TTLL8: variants seen among roughly 807,000 people sequenced by gnomAD.
The protein encoded by TTLL8 is tubulin tyrosine ligase like 8, also known as protein monoglycylase TTLL8.
A neutral mutation model predicts 77.8 loss-of-function variants in TTLL8; 65 were observed. The ratio of observed to expected loss-of-function variants is 0.84; its 90% CI spans 0.68 to 1.03. TTLL8 has a LOEUF of 1.03. Ranked by LOEUF, TTLL8 falls within the 50% of genes least tolerant of loss-of-function variation. The pLI, the probability that TTLL8 is intolerant of heterozygous loss-of-function variation, is 0.00. For synonymous variants in TTLL8, 402 were observed against 422.8 expected, an observed-to-expected ratio of 0.95 and a Z score of 0.60; for missense variants, 910 against 1,004.5, an observed-to-expected ratio of 0.91 and a Z score of 1.27.
chr22:50,042,139 T>C (rs370904813), intron 6 of TTLL8, among the ~76,000 whole-genome samples: 1 of 152,310 alleles, frequency 6.6e-6, no homozygotes, highest in East Asian at 1.9e-4. Context: ...TAGCAATTAC[T>C]GATAAGTTCG....
chr22:50,043,451 G>T (rs1175916620), intron 6 of TTLL8, among the ~76,000 whole-genome samples: 19 of 145,342 alleles, frequency 1.3e-4, no homozygotes, highest in African/African-American at 3.3e-4. Flanking sequence ...ACGTCCTTCG[G>T]TAGATGGATA....
chr22:50,040,833 G>T (rs2061365923), intron 8 of TTLL8, among the ~76,000 whole-genome samples: 2 of 152,148 alleles, frequency 1.3e-5, no homozygotes, highest in Non-Finnish European at 2.9e-5. Flanking sequence ...TCATGCTCCG[G>T]GGGTGCCAGG....
At chr22:50,053,632 G>C (rs570431098) in intron 1 of TTLL8, among the ~76,000 whole-genome samples, 1 of 152,292 alleles carries the variant, frequency 6.6e-6, no homozygotes, top group East Asian at 1.9e-4. Context: ...AGCGGATATG[G>C]TTCTACTTAT....
At chr22:50,037,936 A>G (rs1006631522) in intron 8 of TTLL8, among the ~76,000 whole-genome samples, 5 of 152,178 alleles carry the variant, frequency 3.3e-5, no homozygotes, top group South Asian at 2.1e-4. Flanking sequence ...CTGGGATTAC[A>G]TTGACTCTAT....
At chr22:50,048,159 C>G (rs1386832651) in intron 3 of TTLL8, among the ~76,000 whole-genome samples, 3 of 150,780 alleles carry the variant, frequency 2.0e-5, no homozygotes, top group Non-Finnish European at 4.4e-5. Context: ...TAATAGCATA[C>G]TAATCACTAA....
chr22:50,021,920 CTCCTCCACCT>C (rs1441833385), intron 12 of TTLL8, among the ~76,000 whole-genome samples: 20 of 111,430 alleles, frequency 1.8e-4, no homozygotes, highest in South Asian at 1.3e-3. Flanking sequence ...ATGATGTGTA[CTCCTCCACCT>C]GACATGCAGT....
intron 4 of TTLL8, 122 bp from the exon 7 acceptor site, chr22:50,046,092 C>G: frequency 1.1e-6 from 1 of 870,450 alleles, no homozygotes; most frequent in African/African-American, 1.7e-5. Flanking sequence ...CACAGCACCC[C>G]TAGGGCGGAT....
intron 8 of TTLL8, among the ~76,000 whole-genome samples, chr22:50,040,163 G>A (rs2061361357): frequency 6.6e-6 from 1 of 151,110 alleles, no homozygotes; most frequent in Non-Finnish European, 1.5e-5. Flanking sequence ...GGACCTCATG[G>A]ACCTCATGTG....
intron 11 of TTLL8, 49 bp from the exon 13 acceptor site, chr22:50,030,974 G>A: frequency 7.7e-7 from 1 of 1,293,224 alleles, no homozygotes. Context: ...CGGGATAGGG[G>A]GGGTCCCTGC....
upstream of TTLL8, chr22:50,056,794 C>G: frequency 7.8e-7 from 1 of 1,289,130 alleles, no homozygotes; most frequent in Non-Finnish European, 1.0e-6. The surrounding 1 kb of genome is among the most constrained non-coding windows in gnomAD (Gnocchi z 4.1). Flanking sequence ...TGGCAGCAGG[C>G]TGCAGCCAGC....
intron 2 of TTLL8, 72 bp downstream of exon 4, chr22:50,050,037 C>G: frequency 7.6e-7 from 1 of 1,315,466 alleles, no homozygotes; most frequent in Non-Finnish European, 1.0e-6. Context: ...CACACTCAGG[C>G]CGGCGCCGAC....
At chr22:50,028,845 C>A (rs72490256) in intron 12 of TTLL8, among the ~76,000 whole-genome samples, 2 of 15,240 alleles carry the variant, frequency 1.3e-4, no homozygotes, top group Non-Finnish European at 2.2e-4. Flanking sequence ...CTAAAGACCC[C>A]CACATACCCT....
chr22:50,034,386 A>G lies in TTLL8; in HGVS notation c.998T>C (p.Ile333Thr), dbSNP rs531856682. The G allele has an allele frequency of 2.2e-6, 3 of 1,367,186 alleles. No individual in the cohort carries two copies. The highest frequency in any genetic ancestry group is 9.1e-5 in the East Asian group (2 of 21,998). 84.7% of individuals were successfully genotyped at this position (1,367,186 alleles called of 1,614,324 possible). Residue 333 changes from isoleucine (I) to threonine (T), a missense_variant, in exon 9 of 14, where the codon ATA becomes ACA. Coordinates refer to ENST00000266182, the Ensembl canonical transcript of TTLL8. This position sits in a 1 kb window ranked among gnomAD's most constrained non-coding sequence, Gnocchi z 4.1. ...GCCCCGGGACTTGGCCGCGGGCTTT[A>G]TAATCCAGATGTTCCGGAGCCCGTC... is the stretch of plus-strand genomic sequence containing the variant.
chr22:50,055,034 T>G (rs1200699425), upstream of TTLL8: 1 of 633,140 alleles, frequency 1.6e-6, no homozygotes, highest in East Asian at 1.4e-4. Context: ...CACTCCAGCC[T>G]GGGCAACAAA....
At chr22:50,036,451 C>T (rs569926627) in intron 8 of TTLL8, among the ~76,000 whole-genome samples, 60 of 152,262 alleles carry the variant, frequency 3.9e-4, no homozygotes, top group African/African-American at 1.2e-3. Flanking sequence ...CCACCCAGAT[C>T]GAGACAGGAA....
At chr22:50,031,610 C>G in intron 11 of TTLL8, 76 bp downstream of exon 12, 1 of 1,206,132 alleles carries the variant, frequency 8.3e-7, no homozygotes. Flanking sequence ...CAGCTCCACC[C>G]TCGCCCAGTG....
intron 12 of TTLL8, among the ~76,000 whole-genome samples, chr22:50,022,672 AC>A (rs889586831): frequency 4.7e-4 from 72 of 152,222 alleles, no homozygotes; most frequent in African/African-American, 1.7e-3. Flanking sequence ...TTTGATGAAA[AC>A]CCAGCATCCC....
At chr22:50,050,390 T>A in intron 1 of TTLL8, 143 bp from the exon 4 acceptor site, 1 of 385,266 alleles carries the variant, frequency 2.6e-6, no homozygotes, top group South Asian at 2.1e-5. Flanking sequence ...TTTTTTTTTT[T>A]GAGATGGAAT....
At chr22:50,040,606 C>G (rs1320135155) in intron 8 of TTLL8, among the ~76,000 whole-genome samples, 1 of 152,178 alleles carries the variant, frequency 6.6e-6, no homozygotes, top group Non-Finnish European at 1.5e-5. Context: ...GACACGTAAG[C>G]AAAATTTCTT....
Sources: gnomAD v4.1 joint callset for allele counts (sites outside exome capture counted in the v4.1 genomes callset) on GRCh38, gnomAD v4.1.1 for gene constraint, Gnocchi (gnomAD v3.1) non-coding constraint, MANE v1.5 for transcripts, NCBI Gene and HGNC (gene_info 2026-07-23, HGNC 2026-07-21) for gene names.